Variants in GRB2 observed in about 807,000 individuals in gnomAD.
The protein encoded by GRB2 is growth factor receptor-bound protein 2.
Under a neutral mutation model 27.4 loss-of-function variants are expected in GRB2, and 2 were observed. The observed-to-expected ratio is 0.07, with a 90% CI of 0.03 to 0.23. The LOEUF is 0.23. GRB2 is among the 10% of genes least tolerant of loss of function. GRB2 has a pLI of 1.00. For synonymous variants in GRB2, 94 were observed against 99.6 expected (o/e 0.94, Z 0.33); for missense variants, 102 against 282.4 (o/e 0.36, Z 4.58).
intron 3 of GRB2, among the ~76,000 whole-genome samples, chr17:75,328,726 C>G (rs1394530631): frequency 6.6e-6 from 1 of 152,098 alleles, no homozygotes; most frequent in East Asian, 1.9e-4. Flanking sequence ...GTCACAAAGT[C>G]AGGAGATCGA....
intron 2 of GRB2, among the ~76,000 whole-genome samples, chr17:75,354,811 A>T (rs192121220): frequency 6.6e-6 from 1 of 152,368 alleles, no homozygotes; most frequent in East Asian, 1.9e-4. Context: ...AACTTCTCAT[A>T]GCTGATGAAT....
intron 2 of GRB2, among the ~76,000 whole-genome samples, chr17:75,345,747 C>G (rs188044483): frequency 1.8e-3 from 270 of 152,018 alleles, no homozygotes; most frequent in Non-Finnish European, 3.0e-3. Flanking sequence ...GAGAGTTCAA[C>G]AGGTAATGAC....
chr17:75,337,186 C>T (rs1394148423), intron 2 of GRB2, among the ~76,000 whole-genome samples: 2 of 152,208 alleles, frequency 1.3e-5, no homozygotes, highest in African/African-American at 2.4e-5. Context: ...AAGCTTGGTT[C>T]TGCCGGAGGC....
intron 2 of GRB2, among the ~76,000 whole-genome samples, chr17:75,349,127 A>G (rs981514300): frequency 3.3e-5 from 5 of 152,254 alleles, no homozygotes; most frequent in African/African-American, 1.2e-4. Flanking sequence ...GGGTATAGTA[A>G]GCAAAGTAAT....
rs185572038 is a variant in GRB2 at position 75,363,750 on chromosome 17, C to T, written c.78+29801G>A. On this transcript the variant is annotated intron_variant, in intron 2 of 5. Coordinates refer to ENST00000316804, the MANE Select transcript of GRB2 (RefSeq NM_002086.5). ...TAGCAGGTGCCTGTAGTCCCAGCTA[C>T]TCGGGAGGCTGAGGCAGGAGAATGG... 1.3e-4 allele frequency among the ~76,000 whole-genome samples: 19 copies of T among 151,740 alleles called. No individual in the cohort carries two copies. The East Asian group carries it at 3.5e-3, about 28-fold the overall frequency.
intron 2 of GRB2, among the ~76,000 whole-genome samples, chr17:75,386,368 T>G (rs1266966089): frequency 6.6e-6 from 1 of 152,204 alleles, no homozygotes; most frequent in African/African-American, 2.4e-5. Context: ...TCTACCCGCT[T>G]TGGCCTCCCA....
chr17:75,404,835 G>A (rs959205885), intron 1 of GRB2: 4 of 152,192 alleles, frequency 2.6e-5, no homozygotes, highest in African/African-American at 9.6e-5. Context: ...CTCATGTGTG[G>A]CTTACAATCA....
chr17:75,327,786 C>T (rs959495518), intron 3 of GRB2, among the ~76,000 whole-genome samples: 2 of 152,078 alleles, frequency 1.3e-5, no homozygotes, highest in Non-Finnish European at 2.9e-5. Context: ...TAGAAGCTGC[C>T]CTTAGTAACT....
intron 1 of GRB2, among the ~76,000 whole-genome samples, chr17:75,403,109 G>T (rs1364304716): frequency 9.7e-6 from 1 of 103,352 alleles, no homozygotes; most frequent in Non-Finnish European, 2.0e-5. Flanking sequence ...AAAATAATGC[G>T]TATTCACTTG....
intron 2 of GRB2, among the ~76,000 whole-genome samples, chr17:75,361,185 A>G (rs1206307621): frequency 6.6e-6 from 1 of 152,202 alleles, no homozygotes; most frequent in Non-Finnish European, 1.5e-5. Flanking sequence ...AACAAACCAG[A>G]GCTCAAAGAG....
intron 2 of GRB2, among the ~76,000 whole-genome samples, chr17:75,383,074 G>T (rs1390088445): frequency 6.6e-6 from 1 of 151,702 alleles, no homozygotes; most frequent in East Asian, 1.9e-4. Flanking sequence ...TGAGACTAGA[G>T]AGAATGTTTA....
At chr17:75,329,492 A>C (rs1315164355) in intron 3 of GRB2, among the ~76,000 whole-genome samples, 1 of 152,194 alleles carries the variant, frequency 6.6e-6, no homozygotes, top group Non-Finnish European at 1.5e-5. Context: ...AAAAAAAATA[A>C]ATTGTAGTGA....
At chr17:75,401,469 A>G (rs1230732855) in intron 1 of GRB2, among the ~76,000 whole-genome samples, 1 of 151,912 alleles carries the variant, frequency 6.6e-6, no homozygotes, top group African/African-American at 2.4e-5. Context: ...AAAAAAAAAA[A>G]AAAAGGCTAA....
intron 2 of GRB2, among the ~76,000 whole-genome samples, chr17:75,346,578 CTTTTTTTTTTT>C (rs775027742): frequency 5.8e-5 from 4 of 68,726 alleles, no homozygotes; most frequent in Admixed American, 2.3e-4. Flanking sequence ...CTTTTCTTGC[CTTTTTTTTTTT>C]TTTTTTTTTT....
At chr17:75,338,144 G>A (rs1398194549) in intron 2 of GRB2, among the ~76,000 whole-genome samples, 1 of 151,922 alleles carries the variant, frequency 6.6e-6, no homozygotes, top group Non-Finnish European at 1.5e-5. Flanking sequence ...TGGTCAGGCT[G>A]GTCTTGAACC....
intron 2 of GRB2, among the ~76,000 whole-genome samples, chr17:75,387,053 C>T (rs953840285): frequency 3.3e-5 from 5 of 151,180 alleles, no homozygotes; most frequent in Non-Finnish European, 4.4e-5. Context: ...CCCAACTAAT[C>T]GGGAGGCTGA....
At chr17:75,385,133 C>T (rs956621269) in intron 2 of GRB2, among the ~76,000 whole-genome samples, 1 of 150,338 alleles carries the variant, frequency 6.7e-6, no homozygotes, top group African/African-American at 2.4e-5. Flanking sequence ...CCCACCTATT[C>T]AGGAGGCTGA....
At chr17:75,372,933 T>A (rs764653183) in intron 2 of GRB2, 1 of 152,180 alleles carries the variant, frequency 6.6e-6, no homozygotes, top group African/African-American at 2.4e-5. Flanking sequence ...AAAGGAACTA[T>A]CAAAGAGCTA....
At chr17:75,359,622 C>G (rs929699646) in intron 2 of GRB2, among the ~76,000 whole-genome samples, 1 of 152,058 alleles carries the variant, frequency 6.6e-6, no homozygotes, top group Non-Finnish European at 1.5e-5. Flanking sequence ...TCTCCACCTG[C>G]CAGTCCCTGT....
Sources: gnomAD v4.1 joint callset for allele counts (sites outside exome capture counted in the v4.1 genomes callset) on GRCh38, gnomAD v4.1.1 for gene constraint, MANE v1.5 for transcripts, NCBI Gene and HGNC (gene_info 2026-07-23, HGNC 2026-07-21) for gene names.